The following CEP63 variants were observed in gnomAD, a reference collection of about 807,000 sequenced individuals.
The protein encoded by CEP63 is centrosomal protein of 63 kDa.
In CEP63, 84 loss-of-function variants were observed where a neutral mutation model predicts 89.1. The observed-to-expected ratio is 0.94, with a 90% CI of 0.79 to 1.13. The LOEUF (loss-of-function observed/expected upper bound fraction) is 1.13, where lower values mean the gene tolerates loss of function less well. CEP63 is among the 50% of genes most tolerant of loss of function. The pLI, the probability that CEP63 is intolerant of heterozygous loss-of-function variation, is 0.00. For missense variants in CEP63, 838 were observed against 813.3 expected, an observed-to-expected ratio of 1.03 and a Z score of -0.37; for synonymous variants, 267 against 272.5, an observed-to-expected ratio of 0.98 and a Z score of 0.20.
chr3:134,495,810 A>G (rs1370709528), intron 2 of CEP63, among the ~76,000 whole-genome samples: 2 of 152,196 alleles, frequency 1.3e-5, no homozygotes. Flanking sequence ...GACCCCACAT[A>G]TGAATGAGAA....
chr3:134,610,874 A>G, the CEP63 span, among the ~76,000 whole-genome samples: 3 of 152,292 alleles, frequency 2.0e-5, no homozygotes. Flanking sequence ...GTCTCGTGAC[A>G]TGGGTGAGGT....
At chr3:134,701,312 A>G in the CEP63 span, among the ~76,000 whole-genome samples, 332 of 24,844 alleles carry the variant, frequency 0.013, 71 homozygotes, top group South Asian at 0.029. Context: ...ATACGTATAT[A>G]TGTGTATATA....
chr3:134,531,863 C>T lies in CEP63; in HGVS notation c.241C>T (p.Gln81Ter), dbSNP rs1197876202. The change falls in exon 4 of 15, where the codon CAG becomes TAG. Residue 81 changes from glutamine to a stop codon, truncating the protein, a stop_gained. Transcript: ENST00000675561. LOFTEE classifies it high-confidence loss of function. ...CTTTTAGGTTGGAATGTTGCATCAG[C>T]AGGTAGAAGAACATGAAAAAATCAA... ...THKEVGMLHQ[Q>*]VEEHEKIKQE... The T allele has an allele frequency of 6.2e-7, 1 of 1,613,094 alleles. No homozygotes were observed. Among genetic ancestry groups the T allele is most frequent in the East Asian group, 2.2e-5 (1 of 44,738 alleles).
At chr3:134,551,854 A>C in intron 11 of CEP63, 72 bp from the exon 12 acceptor site, 3 of 833,546 alleles carry the variant, frequency 3.6e-6, no homozygotes, top group Non-Finnish European at 5.9e-6. Context: ...TGAAAATTCC[A>C]TGTGGAAAAA....
intron 2 of CEP63, among the ~76,000 whole-genome samples, chr3:134,504,604 A>G (rs1942981251): frequency 6.6e-6 from 1 of 152,164 alleles, no homozygotes; most frequent in African/African-American, 2.4e-5. Flanking sequence ...GGTTGAATCT[A>G]TTTGGGGATA....
At chr3:134,731,561 G>A in the CEP63 span, among the ~76,000 whole-genome samples, 2 of 152,256 alleles carry the variant, frequency 1.3e-5, no homozygotes, top group South Asian at 4.1e-4. Flanking sequence ...TAGAGTAAGG[G>A]AGTACTTCCA....
the CEP63 span, among the ~76,000 whole-genome samples, chr3:134,624,863 C>A: frequency 6.6e-6 from 1 of 152,252 alleles, no homozygotes; most frequent in African/African-American, 2.4e-5. Context: ...ATGGAATGGC[C>A]TCTGGCTCTG....
the CEP63 span, among the ~76,000 whole-genome samples, chr3:134,749,953 C>T: frequency 5.3e-5 from 8 of 152,086 alleles, no homozygotes; most frequent in African/African-American, 1.9e-4. Context: ...GTCCAGTCTT[C>T]TGAAAGTTAA....
the CEP63 span, among the ~76,000 whole-genome samples, chr3:134,761,150 G>A: frequency 6.6e-6 from 1 of 152,154 alleles, no homozygotes; most frequent in Non-Finnish European, 1.5e-5. Context: ...TGATTCCTCT[G>A]CACATCCACT....
chr3:134,566,266 A>G (rs1438587340), downstream of CEP63, among the ~76,000 whole-genome samples: 1 of 152,194 alleles, frequency 6.6e-6, no homozygotes, highest in East Asian at 1.9e-4. Flanking sequence ...GTAAGGCAGT[A>G]GTTGATAGGG....
At chr3:134,535,511 T>TTC (rs386397968) in intron 5 of CEP63, 1 of 151,434 alleles carries the variant, frequency 6.6e-6, no homozygotes, top group South Asian at 2.1e-4. Flanking sequence ...TTTTTTTTTT[T>TTC]CCTATCTACG....
chr3:134,546,234 A>G lies in CEP63; in HGVS notation c.875A>G (p.Lys292Arg), dbSNP rs960269083. ...LIHEARIQKE[K>R]LQEKVKATNT... ...CATGAGGCCAGAATACAAAAGGAGAAGTTACAAGAAAAAGTAAAGGCAACT... is the reference window on the plus strand; with the variant it reads ...CATGAGGCCAGAATACAAAAGGAGAGGTTACAAGAAAAAGTAAAGGCAACT... Residue 292 changes from lysine to arginine, a missense_variant, in exon 8 of 15, where the codon AAG (lysine) becomes AGG (arginine). Physicochemically the swap from Lys to Arg is conservative, Grantham distance 26. Transcript: ENST00000675561. The G allele has an allele frequency of 6.2e-7, 1 of 1,613,926 alleles. No individual in the cohort carries two copies. Among genetic ancestry groups the G allele is most frequent in the Admixed American group, 1.7e-5 (1 of 60,026 alleles).
the CEP63 span, among the ~76,000 whole-genome samples, chr3:134,767,499 G>A: frequency 1.3e-5 from 2 of 152,144 alleles, no homozygotes; most frequent in Non-Finnish European, 2.9e-5. Context: ...ATGGGCATGT[G>A]ACCTGGAAAG....
the CEP63 span, among the ~76,000 whole-genome samples, chr3:134,656,763 C>A: frequency 6.6e-6 from 1 of 152,134 alleles, no homozygotes; most frequent in Non-Finnish European, 1.5e-5. Flanking sequence ...TGAAGGGCCA[C>A]GCCCCAGCTC....
the CEP63 span, among the ~76,000 whole-genome samples, chr3:134,647,909 C>T: frequency 1.3e-5 from 2 of 152,198 alleles, no homozygotes; most frequent in African/African-American, 2.4e-5. Context: ...GGGCTAAGAC[C>T]GTCAATCCCA....
chr3:134,500,023 G>A (rs1445063916), intron 2 of CEP63, among the ~76,000 whole-genome samples: 4 of 151,404 alleles, frequency 2.6e-5, no homozygotes, highest in South Asian at 2.1e-4. Context: ...ATGGGATTTC[G>A]CCATGTTGGC....
the CEP63 span, among the ~76,000 whole-genome samples, chr3:134,774,515 C>T: frequency 6.6e-6 from 1 of 152,218 alleles, no homozygotes; most frequent in Non-Finnish European, 1.5e-5. Flanking sequence ...GGAGATGAGG[C>T]AGCCAGACAG....
At chr3:134,546,858 G>C (rs1953468780) in intron 8 of CEP63, among the ~76,000 whole-genome samples, 1 of 152,146 alleles carries the variant, frequency 6.6e-6, no homozygotes, top group African/African-American at 2.4e-5. Flanking sequence ...TTGCATGCTT[G>C]GTGAAAATCC....
At chr3:134,544,209 A>AT (rs1368696697) in intron 6 of CEP63, among the ~76,000 whole-genome samples, 5 of 152,166 alleles carry the variant, frequency 3.3e-5, no homozygotes, top group Non-Finnish European at 7.3e-5. Flanking sequence ...AAATTGTGTG[A>AT]TTTTACCTTT....
Sources: gnomAD v4.1 joint callset for allele counts (sites outside exome capture counted in the v4.1 genomes callset) on GRCh38, gnomAD v4.1.1 for gene constraint, MANE v1.5 for transcripts, NCBI Gene and HGNC (gene_info 2026-07-23, HGNC 2026-07-21) for gene names.